RTF1: variants seen among roughly 807,000 people sequenced by gnomAD.
RTF1 encodes RTF1 homolog, Paf1/RNA polymerase II complex component.
RTF1 carries 10 observed loss-of-function variants against 95.7 expected under a neutral mutation model. That is an observed-to-expected ratio of 0.10 (90% CI 0.06 to 0.18). RTF1 has a LOEUF of 0.18. Ranked by LOEUF, RTF1 falls within the 10% of genes least tolerant of loss-of-function variation. The pLI is 1.00. For synonymous variants in RTF1, 305 were observed against 311.8 expected, an observed-to-expected ratio of 0.98 and a Z score of 0.23; for missense variants, 458 against 875.6, an observed-to-expected ratio of 0.52 and a Z score of 6.02.
intron 12 of RTF1, 38 bp from the exon 13 acceptor site, chr15:41,477,127 G>A (rs949599408): frequency 5.0e-6 from 8 of 1,613,944 alleles, no homozygotes; most frequent in Admixed American, 1.7e-5. Flanking sequence ...TCAGTTGTAT[G>A]TAGCCAAGAA....
At chr15:41,456,329 A>T (rs2050816005) in intron 3 of RTF1, among the ~76,000 whole-genome samples, 2 of 151,618 alleles carry the variant, frequency 1.3e-5, no homozygotes, top group Admixed American at 6.6e-5. Context: ...TATTAAAAAA[A>T]TACAAAAAAA....
Position 41,477,448 on chromosome 15 carries a change from T to C in RTF1, c.1683-10T>C, listed in dbSNP as rs2050947601. On this transcript the variant is annotated splice_polypyrimidine_tract_variant and intron_variant, in intron 13 of 17. Coordinates refer to ENST00000389629, the MANE Select transcript of RTF1 (RefSeq NM_015138.5). ...TTCACAGCCACTGACTCATCCCTCT[T>C]ACCCCACAGTTACATCAACCAGCGG... is the stretch of plus-strand genomic sequence containing the variant. 1.2e-6 allele frequency: 2 copies of C among 1,614,168 alleles called. No individual in the cohort carries two copies. The highest frequency in any genetic ancestry group is 8.5e-7 in the Non-Finnish European group (1 of 1,179,998).
In RTF1 at chr15:41,481,683, A is replaced by G. The variant is rs2050976230; in HGVS notation, c.*996A>G. On this transcript the variant is annotated 3_prime_UTR_variant, in exon 18 of 18. Coordinates refer to ENST00000389629, the MANE Select transcript of RTF1 (RefSeq NM_015138.5). ...GTAGAACTTCTTTTTCTCACCCAGT[A>G]TACCAGCCTCTTCCTGGTGATTCTG... 6.6e-6 allele frequency: 1 copy of G among 152,640 alleles called. No homozygotes were observed. The highest frequency in any genetic ancestry group is 3.2e-3 in the Middle Eastern group (1 of 316). The allele number at this position is 152,640 out of a possible 1,614,324, so 9.5% of individuals were successfully genotyped here.
chr15:41,464,753 C>T lies in RTF1; in HGVS notation c.663-18C>T. ...ATACATTTCATTGCTACTTAAAAAC[C>T]AAATATCTTTTAACCAGATTTGAAA... On this transcript the variant is annotated intron_variant, in intron 4 of 17. Transcript: ENST00000389629. The T allele has an allele frequency of 2.0e-6, 3 of 1,530,846 alleles. No individual in the cohort carries two copies. The highest frequency in any genetic ancestry group is 3.5e-4 in the Middle Eastern group (2 of 5,728). 94.8% of individuals were successfully genotyped at this position (1,530,846 alleles called of 1,614,324 possible).
intron 4 of RTF1, among the ~76,000 whole-genome samples, chr15:41,462,642 A>G (rs993995229): frequency 1.4e-4 from 21 of 152,170 alleles, no homozygotes; most frequent in Admixed American, 1.3e-3. Context: ...CATCACCACA[A>G]TTAATTCTAG....
intron 1 of RTF1, among the ~76,000 whole-genome samples, chr15:41,433,756 T>C (rs1643112340): frequency 6.6e-6 from 1 of 152,080 alleles, no homozygotes; most frequent in South Asian, 2.1e-4. Flanking sequence ...TAAAAACTAA[T>C]GTTTACATAG....
At position 41,466,137 on chromosome 15, in the gene RTF1, C is replaced by T. The variant is rs1376082389; in HGVS notation, c.778-4C>T. Reference sequence around the variant, plus strand: ...GGCCATTCTATATATCCTTCCCTTCCTAGGTAACATCCCACAACAAGGAAC... The same window carrying T: ...GGCCATTCTATATATCCTTCCCTTCTTAGGTAACATCCCACAACAAGGAAC... On this transcript the variant is annotated splice_polypyrimidine_tract_variant and splice_region_variant and intron_variant, in intron 5 of 17. Coordinates refer to ENST00000389629, the MANE Select transcript of RTF1 (RefSeq NM_015138.5). 6.4e-7 allele frequency: 1 copy of T among 1,552,560 alleles called. No individual in the cohort carries two copies. Among genetic ancestry groups the T allele is most frequent in the South Asian group, 1.2e-5 (1 of 81,986 alleles).
intron 2 of RTF1, among the ~76,000 whole-genome samples, chr15:41,444,779 C>A (rs1475941313): frequency 6.6e-6 from 1 of 152,072 alleles, no homozygotes; most frequent in Non-Finnish European, 1.5e-5. Context: ...GTAATGTCTT[C>A]TATAACACTT....
At chr15:41,420,617 G>T (rs910018049) in intron 1 of RTF1, among the ~76,000 whole-genome samples, 1 of 152,096 alleles carries the variant, frequency 6.6e-6, no homozygotes, top group Non-Finnish European at 1.5e-5. Context: ...AATGCAGTTC[G>T]TAAGGAGGCC....
At chr15:41,458,242 G>A (rs1369552690) in intron 4 of RTF1, among the ~76,000 whole-genome samples, 4 of 152,156 alleles carry the variant, frequency 2.6e-5, no homozygotes, top group Non-Finnish European at 4.4e-5. Flanking sequence ...GAGAGACTTT[G>A]TCCTTTTCGC....
chr15:41,418,784 C>CAAAAA (rs753790136), intron 1 of RTF1, among the ~76,000 whole-genome samples: 6 of 52,194 alleles, frequency 1.1e-4, no homozygotes, highest in Non-Finnish European at 2.2e-4. Flanking sequence ...AACTCCATCA[C>CAAAAA]AAAAAAAAAA....
At chr15:41,457,610 G>GA in intron 3 of RTF1, 62 bp from the exon 4 acceptor site, 1 of 1,408,726 alleles carries the variant, frequency 7.1e-7, no homozygotes. Flanking sequence ...CAACATTGTG[G>GA]AGCCGCTTGT....
intron 2 of RTF1, 72 bp downstream of exon 2, chr15:41,438,503 G>A (rs2050716442): frequency 1.3e-5 from 13 of 966,450 alleles, no homozygotes; most frequent in Non-Finnish European, 2.0e-5. Flanking sequence ...GCTCCTGTTG[G>A]CCTCATTTCC....
Position 41,457,525 on chromosome 15 carries a change from CAAAAA to C in RTF1, c.458-142_458-138del, listed in dbSNP as rs947496202. 8 of 757,112 alleles carry C rather than the reference CAAAAA, an allele frequency of 1.1e-5. No homozygotes were observed. In the African/African-American group the frequency reaches 1.4e-4, roughly 13 times the overall value. 46.9% of individuals were successfully genotyped at this position (757,112 alleles called of 1,614,324 possible). A position where few individuals can be genotyped will look rare whatever the true frequency, so the allele number is the denominator to read the frequency against. ...AGGCAATAAGAGCAAAACTCCATCT[CAAAAA>C]AAAAGTAAAAACAAATAAGTAAAAT... On this transcript the variant is annotated intron_variant, in intron 3 of 17. Transcript: ENST00000389629.
At position 41,473,156 on chromosome 15, in the gene RTF1, C is replaced by T. The variant is rs183810909; in HGVS notation, c.1204-1464C>T. Among the ~76,000 whole-genome samples the T allele has an allele frequency of 9.2e-5, 14 of 152,090 alleles. No homozygotes were observed. The East Asian group carries it at 1.2e-3, about 13-fold the overall frequency. ...TTTGTTTTGTTTTGTTTTTTTGAGA[C>T]GGAGTCTCGCCCTGTCATCCAGGCT... On this transcript the variant is annotated intron_variant, in intron 8 of 17. Coordinates refer to ENST00000389629, the MANE Select transcript of RTF1 (RefSeq NM_015138.5).
intron 1 of RTF1, among the ~76,000 whole-genome samples, chr15:41,429,464 T>C (rs2140947200): frequency 6.6e-6 from 1 of 151,828 alleles, no homozygotes; most frequent in Non-Finnish European, 1.5e-5. Context: ...CTCTCTCTCT[T>C]TCCAGGAGTG....
At chr15:41,473,566 G>A (rs1284052858) in intron 8 of RTF1, among the ~76,000 whole-genome samples, 2 of 151,320 alleles carry the variant, frequency 1.3e-5, no homozygotes, top group Admixed American at 1.3e-4. Flanking sequence ...ATGAGACACT[G>A]TGCCCAGCCT....
chr15:41,434,958 A>T (rs1419425119), intron 1 of RTF1, among the ~76,000 whole-genome samples: 1 of 142,584 alleles, frequency 7.0e-6, no homozygotes, highest in Non-Finnish European at 1.5e-5. Context: ...TAGTTACAGT[A>T]ACTCTTTTTT....
At chr15:41,480,524 C>T (rs2050966777) in intron 17 of RTF1, 57 bp from the exon 18 acceptor site, 2 of 1,289,606 alleles carry the variant, frequency 1.6e-6, no homozygotes, top group African/African-American at 2.9e-5. Flanking sequence ...GAGTGTAGCA[C>T]AGGACTAAGA....
Sources: gnomAD v4.1 joint callset for allele counts (sites outside exome capture counted in the v4.1 genomes callset) on GRCh38, gnomAD v4.1.1 for gene constraint, MANE v1.5 for transcripts, NCBI Gene and HGNC (gene_info 2026-07-23, HGNC 2026-07-21) for gene names.